The following ABHD12 variants were observed in gnomAD, a reference collection of about 807,000 sequenced individuals.
The protein encoded by ABHD12 is abhydrolase domain containing 12, lysophospholipase.
A neutral mutation model predicts 58.3 loss-of-function variants in ABHD12; 43 were observed. The observed-to-expected ratio is 0.74, with a 90% CI of 0.58 to 0.95. The LOEUF (loss-of-function observed/expected upper bound fraction) is 0.95. ABHD12 is among the 40% of genes least tolerant of loss of function. The pLI, the probability that ABHD12 is intolerant of heterozygous loss-of-function variation, is 0.00. For missense variants in ABHD12, 539 were observed against 537.2 expected (o/e 1.00, Z -0.03); for synonymous variants, 219 against 211.2 (o/e 1.04, Z -0.32).
chr20:25,299,099 G>C (rs2088594725), downstream of ABHD12, among the ~76,000 whole-genome samples: 1 of 152,040 alleles, frequency 6.6e-6, no homozygotes, highest in African/African-American at 2.4e-5. Flanking sequence ...TCTCAGTTTT[G>C]TAAAAAAGAC....
chr20:25,332,279 A>G (rs1375760142), intron 2 of ABHD12, among the ~76,000 whole-genome samples: 2 of 151,470 alleles, frequency 1.3e-5, no homozygotes, highest in South Asian at 2.1e-4. Flanking sequence ...ATATGCACCC[A>G]ATACAGGAGC....
chr20:25,338,925 A>G, intron 2 of ABHD12: 1 of 1,203,348 alleles, frequency 8.3e-7, no homozygotes, highest in South Asian at 1.7e-5. Context: ...AGGGCAGTGT[A>G]GTCTTCTGTG....
At position 25,384,917 on chromosome 20, in the gene ABHD12, C is replaced by G. The variant is rs544446513; in HGVS notation, c.191+5596G>C. On this transcript the variant is annotated intron_variant, in intron 1 of 12. Transcript: ENST00000339157. Reference sequence around the variant, plus strand: ...CTCCACTTCTCAGCATCCCCCAGAACTAAAAAGAGATATTTTCTTTGATGG... The same window carrying G: ...CTCCACTTCTCAGCATCCCCCAGAAGTAAAAAGAGATATTTTCTTTGATGG... 2.0e-5 allele frequency among the ~76,000 whole-genome samples: 3 copies of G among 152,222 alleles called. No homozygotes were observed. In the East Asian group the frequency reaches 5.8e-4, roughly 29 times the overall value.
chr20:25,323,344 C>T lies in ABHD12; in HGVS notation c.403G>A (p.Asp135Asn), dbSNP rs749992235. 84 of 1,613,940 alleles carry T rather than the reference C, an allele frequency of 5.2e-5. No individual in the cohort carries two copies. The highest frequency in any genetic ancestry group is 7.0e-5 in the Non-Finnish European group (82 of 1,179,796). The change falls in exon 3 of 13, where the codon GAC (aspartate) becomes AAC (asparagine). Residue 135 changes from aspartate to asparagine, a missense_variant. Asp to Asn is a conservative substitution (Grantham distance 23). Coordinates refer to ENST00000339157, the MANE Select transcript of ABHD12 (RefSeq NM_001042472.3). ...ACTCACCAGACTCCAATGGTCACGT[C>T]TTCCTCTGGCTGCAGGTAGTAGTTA... is the stretch of plus-strand genomic sequence containing the variant. Reference protein sequence around the residue: ...TCNYYLQPEEDVTIGVWHTVP... With the variant: ...TCNYYLQPEENVTIGVWHTVP...
intron 2 of ABHD12, among the ~76,000 whole-genome samples, chr20:25,328,882 A>T (rs188144146): frequency 6.6e-6 from 1 of 152,240 alleles, no homozygotes; most frequent in Non-Finnish European, 1.5e-5. Context: ...GGAGGCATGG[A>T]GCTTGGTTGG....
chr20:25,337,087 C>A (rs1456666078), intron 2 of ABHD12, among the ~76,000 whole-genome samples: 1 of 152,138 alleles, frequency 6.6e-6, no homozygotes, highest in East Asian at 1.9e-4. Context: ...CATGGCAAAA[C>A]CCCATCTCTA....
At chr20:25,314,996 T>C (rs1057216812) in intron 5 of ABHD12, 26 bp from the exon 6 acceptor site, 1 of 1,613,934 alleles carries the variant, frequency 6.2e-7, no homozygotes, top group African/African-American at 1.3e-5. Flanking sequence ...TAAACATCTT[T>C]GGCAACAAAT....
At chr20:25,303,242 T>C (rs1389333315) in intron 11 of ABHD12, 3 of 1,237,602 alleles carry the variant, frequency 2.4e-6, no homozygotes, top group Non-Finnish European at 2.1e-6. Context: ...TCTGATAACA[T>C]AGGCAGCCCA....
intron 2 of ABHD12, among the ~76,000 whole-genome samples, chr20:25,333,955 C>CG (rs1295959985): frequency 6.6e-6 from 1 of 152,068 alleles, no homozygotes; most frequent in African/African-American, 2.4e-5. Flanking sequence ...AAGTGCTGGC[C>CG]GGGGCAATTA....
chr20:25,366,054 G>A (rs2089816451), intron 1 of ABHD12, among the ~76,000 whole-genome samples: 1 of 151,988 alleles, frequency 6.6e-6, no homozygotes, highest in African/African-American at 2.4e-5. Flanking sequence ...AATAAATATT[G>A]TTAATTCTTT....
In ABHD12 at chr20:25,348,737, C is replaced by G. The variant is rs1195760536; in HGVS notation, c.192-9386G>C. Among the ~76,000 whole-genome samples the G allele has an allele frequency of 7.2e-5, 11 of 152,146 alleles. No individual in the cohort carries two copies. In the East Asian group the frequency reaches 2.1e-3, roughly 29 times the overall value. On this transcript the variant is annotated intron_variant, in intron 1 of 12. Coordinates refer to ENST00000339157, the MANE Select transcript of ABHD12 (RefSeq NM_001042472.3). ...ACAAAGCTATCAAAGAATTACATCC[C>G]TGAAAGCCACTAATCCCAGAAGGAC...
At chr20:25,338,422 C>T (rs2089407847) in intron 2 of ABHD12, among the ~76,000 whole-genome samples, 2 of 152,326 alleles carry the variant, frequency 1.3e-5, no homozygotes, top group East Asian at 1.9e-4. Context: ...GAACACCCAC[C>T]GTGTGCGAGC....
intron 1 of ABHD12, chr20:25,339,725 C>A: frequency 7.4e-7 from 1 of 1,354,722 alleles, no homozygotes; most frequent in Non-Finnish European, 9.8e-7. Context: ...CCTCCTCAGG[C>A]CTCCCGATCC....
At chr20:25,300,986 G>A in intron 12 of ABHD12, 102 bp from the exon 13 acceptor site, 1 of 1,276,632 alleles carries the variant, frequency 7.8e-7, no homozygotes, top group Non-Finnish European at 1.1e-6. Context: ...GCTGTGCAGA[G>A]AGGAGGCAGC....
chr20:25,317,116 C>CT lies in ABHD12; in HGVS notation c.543-39dup, dbSNP rs757694109. ...ACAGGACATGGTGTGAGCACATCTT[C>CT]TCAGAGTTGGGCCCCAGGTCAACTT... On this transcript the variant is annotated intron_variant, in intron 4 of 12. Coordinates refer to ENST00000339157, the MANE Select transcript of ABHD12 (RefSeq NM_001042472.3). 4 of 1,572,266 alleles carry CT rather than the reference C, an allele frequency of 2.5e-6. No homozygotes were observed. In the Admixed American group the frequency reaches 6.7e-5, roughly 26 times the overall value.
At chr20:25,367,383 A>G (rs531401669) in intron 1 of ABHD12, among the ~76,000 whole-genome samples, 2 of 152,358 alleles carry the variant, frequency 1.3e-5, no homozygotes, top group South Asian at 4.1e-4. Context: ...CAGCAATTTA[A>G]GAAATTTTAC....
chr20:25,340,105 A>G (rs1404186361), intron 1 of ABHD12, among the ~76,000 whole-genome samples: 4 of 152,260 alleles, frequency 2.6e-5, no homozygotes, highest in African/African-American at 9.6e-5. Flanking sequence ...AGGACCCTAC[A>G]GAGCTTCTGC....
intron 1 of ABHD12, among the ~76,000 whole-genome samples, chr20:25,381,103 C>T (rs1233121019): frequency 6.6e-6 from 1 of 152,100 alleles, no homozygotes; most frequent in Non-Finnish European, 1.5e-5. Context: ...CCTGCTTGCC[C>T]ACCGCAGTCT....
chr20:25,295,844 C>T (rs2088533861), downstream of ABHD12, among the ~76,000 whole-genome samples: 1 of 152,226 alleles, frequency 6.6e-6, no homozygotes, highest in Non-Finnish European at 1.5e-5. Flanking sequence ...CTGTCACTGT[C>T]AATGTCACTC....
Sources: gnomAD v4.1 joint callset for allele counts (sites outside exome capture counted in the v4.1 genomes callset) on GRCh38, gnomAD v4.1.1 for gene constraint, MANE v1.5 for transcripts, NCBI Gene and HGNC (gene_info 2026-07-23, HGNC 2026-07-21) for gene names.